Variants in ATG4C observed in about 807,000 individuals in gnomAD.
ATG4C encodes the protein cysteine protease ATG4C.
Under a neutral mutation model 57.6 loss-of-function variants are expected in ATG4C, and 56 were observed. That is an observed-to-expected ratio of 0.97 (90% CI 0.78 to 1.21). The LOEUF (loss-of-function observed/expected upper bound fraction) is 1.21. Ranked by LOEUF, ATG4C falls within the 50% of genes most tolerant of loss-of-function variation. The pLI, the probability that ATG4C is intolerant of heterozygous loss-of-function variation, is 0.00. For synonymous variants in ATG4C, 157 were observed against 174.1 expected (o/e 0.90, Z 0.78); for missense variants, 595 against 529.8 (o/e 1.12, Z -1.21).
intron 1 of ATG4C, among the ~76,000 whole-genome samples, chr1:62,796,157 A>G (rs1206158440): frequency 9.9e-6 from 1 of 101,428 alleles, no homozygotes; most frequent in Non-Finnish European, 2.2e-5. Flanking sequence ...ATGCATTTTA[A>G]TTTTTTTTTT....
intron 10 of ATG4C, among the ~76,000 whole-genome samples, chr1:62,862,488 A>C (rs1476561558): frequency 1.3e-5 from 2 of 152,154 alleles, no homozygotes; most frequent in African/African-American, 4.8e-5. Context: ...ACTATATTCC[A>C]GCTATTGGCT....
chr1:62,838,803 A>G (rs575814879), intron 9 of ATG4C, among the ~76,000 whole-genome samples: 101 of 152,088 alleles, frequency 6.6e-4, no homozygotes, highest in African/African-American at 2.3e-3. Context: ...AAAAGTTTAA[A>G]TGATATAAAA....
intron 1 of ATG4C, among the ~76,000 whole-genome samples, chr1:62,793,104 T>G (rs1182652314): frequency 6.6e-6 from 1 of 151,492 alleles, no homozygotes; most frequent in Non-Finnish European, 1.5e-5. Flanking sequence ...GCCAGGATGG[T>G]CTCGATCTCC....
rs187939047 is a variant in ATG4C, at chr1:62,856,031, T to A, written c.1210-7961T>A. On this transcript the variant is annotated intron_variant, in intron 10 of 10. Coordinates refer to ENST00000317868, the MANE Select transcript of ATG4C (RefSeq NM_032852.4). ...CGAAATCAGCCTGTATGTAGTCTTA[T>A]AGAGTAAGAGAATAGGTTTGCTCTG... is the stretch of plus-strand genomic sequence containing the variant. 3.2e-3 allele frequency among the ~76,000 whole-genome samples: 495 copies of A among 152,356 alleles called. 2 individuals are homozygous for A. Among genetic ancestry groups the A allele is most frequent in the African/African-American group, 0.012 (480 of 41,582 alleles).
intron 10 of ATG4C, among the ~76,000 whole-genome samples, chr1:62,861,486 AGTGAGCC>A (rs1339633291): frequency 6.6e-6 from 1 of 151,920 alleles, no homozygotes; most frequent in African/African-American, 2.4e-5. Context: ...TCGAGGCTGC[AGTGAGCC>A]GTGAGCCGTG....
intron 1 of ATG4C, among the ~76,000 whole-genome samples, chr1:62,794,292 A>C (rs1273941134): frequency 1.3e-5 from 2 of 152,204 alleles, no homozygotes; most frequent in East Asian, 3.8e-4. Flanking sequence ...GTCATGTGTG[A>C]CCATAAATGT....
chr1:62,800,533 T>A (rs1664624216), intron 1 of ATG4C, among the ~76,000 whole-genome samples: 1 of 152,220 alleles, frequency 6.6e-6, no homozygotes, highest in Non-Finnish European at 1.5e-5. Context: ...GGATGCATAA[T>A]CCATCATGTG....
intron 1 of ATG4C, among the ~76,000 whole-genome samples, chr1:62,789,037 T>A (rs1164345124): frequency 6.6e-6 from 1 of 152,180 alleles, no homozygotes; most frequent in East Asian, 1.9e-4. Context: ...TTGTATTTAG[T>A]AATCTGTAGG....
chr1:62,841,841 TGAA>T (rs751593326), intron 10 of ATG4C, among the ~76,000 whole-genome samples: 1 of 152,192 alleles, frequency 6.6e-6, no homozygotes, highest in Non-Finnish European at 1.5e-5. Context: ...ATATTCTATT[TGAA>T]GAAGATTTTA....
chr1:62,797,734 T>G (rs1204168391), intron 1 of ATG4C, among the ~76,000 whole-genome samples: 1 of 152,208 alleles, frequency 6.6e-6, no homozygotes, highest in Non-Finnish European at 1.5e-5. Flanking sequence ...TTATACTGTT[T>G]TTCTTCTTTC....
chr1:62,829,122 T>A lies in ATG4C; in HGVS notation c.879T>A (p.Val293=), dbSNP rs577256725. The A allele has an allele frequency of 1.9e-5, 31 of 1,613,268 alleles. No homozygotes were observed. The East Asian group carries it at 6.3e-4, about 33-fold the overall frequency. ...ATGACAAAGCTGTTATTATTCTAGT[T>A]CCTGTTAGACTTGGTGGAGAAAGAA... ...NADDKAVIIL[V]PVRLGGERTN... is the part of the protein sequence containing the mutation. The change falls in exon 7 of 11, where the codon GTT becomes GTA. Residue 293 remains valine (V), a synonymous_variant. Transcript: ENST00000317868.
intron 9 of ATG4C, 40 bp from the exon 10 acceptor site, chr1:62,841,388 T>C: frequency 6.6e-7 from 1 of 1,522,710 alleles, no homozygotes; most frequent in Non-Finnish European, 9.0e-7. Context: ...TACTTGTCTA[T>C]CAAAGATAAA....
chr1:62,790,514 A>G (rs961639778), intron 1 of ATG4C, among the ~76,000 whole-genome samples: 5 of 152,220 alleles, frequency 3.3e-5, no homozygotes, highest in African/African-American at 1.2e-4. Context: ...ATATATAGTC[A>G]AAATAGGTGT....
At chr1:62,822,843 A>G (rs1665525610) in intron 6 of ATG4C, among the ~76,000 whole-genome samples, 1 of 152,144 alleles carries the variant, frequency 6.6e-6, no homozygotes, top group East Asian at 1.9e-4. Context: ...TATGTACTCT[A>G]TACTAGGACT....
At chr1:62,832,636 A>G (rs1046314425) in intron 7 of ATG4C, among the ~76,000 whole-genome samples, 1 of 152,138 alleles carries the variant, frequency 6.6e-6, no homozygotes, top group African/African-American at 2.4e-5. Context: ...CTCATGACCT[A>G]AACACCTCCC....
intron 9 of ATG4C, among the ~76,000 whole-genome samples, chr1:62,838,304 CCA>C (rs1370067430): frequency 6.6e-5 from 10 of 152,114 alleles, no homozygotes; most frequent in Admixed American, 1.3e-4. Flanking sequence ...ACTCCTCTTA[CCA>C]ATCATTAGAA....
intron 10 of ATG4C, among the ~76,000 whole-genome samples, chr1:62,846,817 C>T (rs1003044076): frequency 6.6e-6 from 1 of 152,188 alleles, no homozygotes; most frequent in African/African-American, 2.4e-5. Context: ...TATGTAGTTT[C>T]CAAGCCTCAC....
chr1:62,862,904 A>G (rs1309272901), intron 10 of ATG4C, among the ~76,000 whole-genome samples: 1 of 152,066 alleles, frequency 6.6e-6, no homozygotes, highest in Non-Finnish European at 1.5e-5. Context: ...TTAAAAACAA[A>G]TTGCATTTAA....
intron 10 of ATG4C, among the ~76,000 whole-genome samples, chr1:62,861,272 G>A (rs1038321039): frequency 2.0e-5 from 3 of 152,046 alleles, no homozygotes; most frequent in African/African-American, 4.8e-5. Context: ...TAGGCTGGCC[G>A]TGGTGACTCA....
Sources: gnomAD v4.1 joint callset for allele counts (sites outside exome capture counted in the v4.1 genomes callset) on GRCh38, gnomAD v4.1.1 for gene constraint, MANE v1.5 for transcripts, NCBI Gene and HGNC (gene_info 2026-07-23, HGNC 2026-07-21) for gene names.